RXRG: variants seen among roughly 807,000 people sequenced by gnomAD.
RXRG encodes retinoid X receptor gamma.
In RXRG, 19 loss-of-function variants were observed where a neutral mutation model predicts 49.2. That is an observed-to-expected ratio of 0.39 (90% CI 0.27 to 0.57). The LOEUF is 0.57. Among genes scored for constraint, RXRG ranks in the 20% least tolerant of loss-of-function variants. RXRG has a pLI of 0.64. For missense variants in RXRG, 452 were observed against 592.5 expected (o/e 0.76, Z 2.46); for synonymous variants, 224 against 216.6 (o/e 1.03, Z -0.30).
At chr1:165,433,472 G>A (rs572923493) in intron 1 of RXRG, among the ~76,000 whole-genome samples, 14 of 152,276 alleles carry the variant, frequency 9.2e-5, no homozygotes, top group Non-Finnish European at 1.6e-4. Flanking sequence ...CCTGGAAAAT[G>A]CACCAAGTCT....
chr1:165,401,533 A>G (rs1657566015), intron 9 of RXRG, 123 bp from the exon 10 acceptor site: 3 of 1,037,454 alleles, frequency 2.9e-6, no homozygotes, highest in Non-Finnish European at 4.3e-6. Flanking sequence ...CTGGAAGGGT[A>G]GACAAGGGGG....
At chr1:165,432,036 GT>G (rs758906935) in intron 1 of RXRG, among the ~76,000 whole-genome samples, 3 of 152,144 alleles carry the variant, frequency 2.0e-5, no homozygotes, top group Non-Finnish European at 2.9e-5. Context: ...AAGGAATGAT[GT>G]TTAAAAAACA....
intron 1 of RXRG, among the ~76,000 whole-genome samples, chr1:165,435,395 G>A (rs1658791885): frequency 6.6e-6 from 1 of 152,110 alleles, no homozygotes; most frequent in Admixed American, 6.6e-5. Flanking sequence ...CAGGAAAGTG[G>A]AGCCACAGGG....
intron 1 of RXRG, chr1:165,437,036 G>T: frequency 8.0e-7 from 1 of 1,244,050 alleles, no homozygotes. Flanking sequence ...CTGGTTGCCT[G>T]GGTTTCATTT....
At chr1:165,404,493 G>A (rs960206482) in intron 9 of RXRG, among the ~76,000 whole-genome samples, 1 of 152,138 alleles carries the variant, frequency 6.6e-6, no homozygotes, top group Non-Finnish European at 1.5e-5. Context: ...AAATACATTA[G>A]GATATGTTCA....
chr1:165,412,168 C>A (rs1657975277), intron 4 of RXRG, among the ~76,000 whole-genome samples: 1 of 152,148 alleles, frequency 6.6e-6, no homozygotes, highest in South Asian at 2.1e-4. Flanking sequence ...ACTGGAATCG[C>A]AATGCCGAAC....
At chr1:165,436,661 G>A (rs902908072) in intron 1 of RXRG, among the ~76,000 whole-genome samples, 5 of 152,110 alleles carry the variant, frequency 3.3e-5, no homozygotes, top group South Asian at 4.2e-4. Flanking sequence ...GCACTCATGA[G>A]GTCAGACAGA....
Position 165,408,337 on chromosome 1 carries a change from C to A in RXRG, c.1047-19G>T. The A allele has an allele frequency of 6.4e-7, 1 of 1,569,914 alleles. No homozygotes were observed. The highest frequency in any genetic ancestry group is 8.8e-7 in the Non-Finnish European group (1 of 1,139,220). On this transcript the variant is annotated intron_variant, in intron 7 of 9. Coordinates refer to ENST00000359842, the MANE Select transcript of RXRG (RefSeq NM_006917.5). ...TAGGACTCTGTTAACAGGAAACAAG[C>A]AGGTAATGAGAAAACCGTAAGTAAC... is the stretch of plus-strand genomic sequence containing the variant.
At chr1:165,413,973 G>A (rs1658040593) in intron 4 of RXRG, among the ~76,000 whole-genome samples, 2 of 152,150 alleles carry the variant, frequency 1.3e-5, no homozygotes, top group South Asian at 4.1e-4. Context: ...GATTTCCATG[G>A]TCTCTCTGTT....
chr1:165,424,208 A>G (rs1658410812), intron 2 of RXRG, among the ~76,000 whole-genome samples: 1 of 152,232 alleles, frequency 6.6e-6, no homozygotes, highest in Non-Finnish European at 1.5e-5. Flanking sequence ...TAGAAATTGC[A>G]TCACTCCACT....
At position 165,428,750 on chromosome 1, in the gene RXRG, C is replaced by T; in HGVS notation, c.266G>A (p.Gly89Glu). ...GCTGGGTGGGGCAACCAAGTTGATT[C>T]CTGGAGGCGCTGCAAGTGCTCCTGA... is the stretch of plus-strand genomic sequence containing the variant. ...PPSGALAAPP[G>E]INLVAPPSSQ... Residue 89 changes from glycine (G) to glutamate (E), a missense_variant, in exon 2 of 10, where the codon GGA becomes GAA. Gly to Glu is a moderately conservative substitution (Grantham distance 98). Around this residue, in one of 2 missense-constraint regions of RXRG, gnomAD observed 166 missense variants for 151.7 expected, o/e 1.09. Transcript: ENST00000359842. 4.4e-6 allele frequency: 7 copies of T among 1,604,054 alleles called. No homozygotes were observed. Among genetic ancestry groups the T allele is most frequent in the Non-Finnish European group, 6.0e-6 (7 of 1,172,440 alleles).
intron 1 of RXRG, among the ~76,000 whole-genome samples, chr1:165,443,692 T>C (rs1571294584): frequency 6.6e-6 from 1 of 152,180 alleles, no homozygotes; most frequent in Non-Finnish European, 1.5e-5. Flanking sequence ...CCTGAATGAA[T>C]GTGCAAACTC....
intron 9 of RXRG, among the ~76,000 whole-genome samples, chr1:165,401,858 C>T (rs748089010): frequency 2.3e-4 from 35 of 152,206 alleles, no homozygotes; most frequent in Admixed American, 1.2e-3. Flanking sequence ...TTAGATGACA[C>T]GTTTGAGAAC....
intron 1 of RXRG, among the ~76,000 whole-genome samples, chr1:165,431,140 T>G (rs1658659634): frequency 6.6e-6 from 1 of 152,228 alleles, no homozygotes. Context: ...CCCAGGTAGT[T>G]AGTGGCAAAG....
rs1659114293 is a variant in RXRG at position 165,444,938 on chromosome 1, A to G, written c.-45T>C. The stretch of plus-strand genomic sequence containing the variant: ...TTCCTCTCCTGTGCAGCTTCTAAAT[A>G]TTACCGCCTCTCTCGGCTCCCAGGC... On this transcript the variant is annotated 5_prime_UTR_variant, in exon 1 of 10. Transcript: ENST00000359842. 2 of 1,573,286 alleles carry G rather than the reference A, an allele frequency of 1.3e-6. No individual in the cohort carries two copies. The highest frequency in any genetic ancestry group is 2.7e-5 in the African/African-American group (2 of 74,182).
intron 1 of RXRG, among the ~76,000 whole-genome samples, chr1:165,438,673 G>C (rs1196824401): frequency 1.3e-5 from 2 of 152,160 alleles, no homozygotes; most frequent in Non-Finnish European, 2.9e-5. Flanking sequence ...TTGCCTATAT[G>C]GCCTTGGGCA....
intron 1 of RXRG, among the ~76,000 whole-genome samples, chr1:165,432,974 T>C (rs959126012): frequency 3.9e-5 from 6 of 152,198 alleles, no homozygotes; most frequent in African/African-American, 1.4e-4. Context: ...GTGGGGCCTT[T>C]TGGAAGTGAG....
chr1:165,425,682 G>C (rs967334438), intron 2 of RXRG, among the ~76,000 whole-genome samples: 1 of 152,166 alleles, frequency 6.6e-6, no homozygotes, highest in African/African-American at 2.4e-5. Flanking sequence ...ATAAATACAT[G>C]TACACCCCCA....
chr1:165,409,489 G>A (rs750506162), intron 7 of RXRG, 69 bp downstream of exon 7: 1 of 1,140,342 alleles, frequency 8.8e-7, no homozygotes, highest in Non-Finnish European at 1.1e-6. Flanking sequence ...GTACACATGT[G>A]TATACACACA....
Sources: gnomAD v4.1 joint callset for allele counts (sites outside exome capture counted in the v4.1 genomes callset) on GRCh38, gnomAD v4.1.1 for gene constraint, gnomAD v4.1.1 regional missense constraint, MANE v1.5 for transcripts, NCBI Gene and HGNC (gene_info 2026-07-23, HGNC 2026-07-21) for gene names.